Variants in GALNT13 observed in about 807,000 individuals in gnomAD.
GALNT13 encodes polypeptide N-acetylgalactosaminyltransferase 13.
Under a neutral mutation model 64.2 loss-of-function variants are expected in GALNT13, and 28 were observed. The observed-to-expected ratio is 0.44, with a 90% CI of 0.32 to 0.60. The LOEUF (loss-of-function observed/expected upper bound fraction) is 0.60, where lower values mean the gene tolerates loss of function less well. GALNT13 is among the 20% of genes least tolerant of loss of function. The pLI is 0.05. For synonymous variants in GALNT13, 214 were observed against 224.6 expected, an observed-to-expected ratio of 0.95 and a Z score of 0.42; for missense variants, 577 against 669.8, an observed-to-expected ratio of 0.86 and a Z score of 1.53.
At position 154,123,803 on chromosome 2, in the gene GALNT13, C is replaced by T. The variant is rs146375358; in HGVS notation, c.143-16534C>T. Among the ~76,000 whole-genome samples the T allele has an allele frequency of 3.7e-3, 557 of 151,802 alleles. 2 individuals carry two copies. Among genetic ancestry groups the T allele is most frequent in the African/African-American group, 0.013 (527 of 41,446 alleles). ...CTGTATAATTCTATGTGTACAAATG[C>T]GAGAAGAAAAAAATATAACTTATAG... On this transcript the variant is annotated intron_variant, in intron 3 of 12. Transcript: ENST00000392825.
At chr2:153,136,332 G>A in the GALNT13 span, among the ~76,000 whole-genome samples, 7 of 152,086 alleles carry the variant, frequency 4.6e-5, no homozygotes, top group Admixed American at 3.3e-4. Context: ...AATACCAACA[G>A]AGTATCCTCT....
the GALNT13 span, among the ~76,000 whole-genome samples, chr2:153,586,206 C>T: frequency 6.6e-6 from 1 of 152,104 alleles, no homozygotes; most frequent in Non-Finnish European, 1.5e-5. Context: ...CATCAATATT[C>T]ACCTTGAATA....
the GALNT13 span, among the ~76,000 whole-genome samples, chr2:153,393,272 T>A: frequency 6.6e-6 from 1 of 151,918 alleles, no homozygotes; most frequent in East Asian, 1.9e-4. Context: ...TCTCCATTTT[T>A]TTTTTTTGTC....
At chr2:154,255,567 A>T (rs996643468) in intron 7 of GALNT13, among the ~76,000 whole-genome samples, 1 of 152,184 alleles carries the variant, frequency 6.6e-6, no homozygotes, top group African/African-American at 2.4e-5. Context: ...ACAAGCATGA[A>T]TGCTAGACCA....
At chr2:153,268,299 A>T in the GALNT13 span, among the ~76,000 whole-genome samples, 1 of 152,364 alleles carries the variant, frequency 6.6e-6, no homozygotes, top group Non-Finnish European at 1.5e-5. Context: ...TACAGGCCTC[A>T]TGCATGTCAG....
At chr2:153,630,497 G>T in the GALNT13 span, among the ~76,000 whole-genome samples, 1 of 83,950 alleles carries the variant, frequency 1.2e-5, no homozygotes, top group African/African-American at 4.7e-5. Context: ...GGGGACTGTT[G>T]TGGGGTGGGG....
intron 4 of GALNT13, chr2:154,236,201 A>C (rs556901442): frequency 9.8e-7 from 1 of 1,021,298 alleles, no homozygotes; most frequent in Admixed American, 4.8e-5. Context: ...TACTTTTATA[A>C]GATATAAACA....
the GALNT13 span, among the ~76,000 whole-genome samples, chr2:153,737,111 C>T: frequency 6.6e-6 from 1 of 152,292 alleles, no homozygotes; most frequent in East Asian, 1.9e-4. Flanking sequence ...CATGCTGGGC[C>T]TTTCAAGCAT....
intron 7 of GALNT13, among the ~76,000 whole-genome samples, chr2:154,248,682 T>C (rs1211775235): frequency 6.6e-6 from 1 of 152,146 alleles, no homozygotes; most frequent in East Asian, 1.9e-4. Flanking sequence ...AAGATCTTGC[T>C]ACAATGGACC....
At chr2:154,003,281 T>G (rs1335813851) in intron 3 of GALNT13, among the ~76,000 whole-genome samples, 4 of 152,164 alleles carry the variant, frequency 2.6e-5, no homozygotes, top group Non-Finnish European at 4.4e-5. Flanking sequence ...CCCATGAAGA[T>G]TCCCAGACTG....
At chr2:153,752,653 C>T in the GALNT13 span, among the ~76,000 whole-genome samples, 1 of 152,038 alleles carries the variant, frequency 6.6e-6, no homozygotes, top group African/African-American at 2.4e-5. Context: ...TTTATTTTCT[C>T]TTTCTGCTTT....
chr2:153,376,318 T>G, the GALNT13 span, among the ~76,000 whole-genome samples: 1 of 152,152 alleles, frequency 6.6e-6, no homozygotes, highest in Non-Finnish European at 1.5e-5. Flanking sequence ...CAGTATCACA[T>G]GGCAATAGGC....
chr2:153,509,274 GCGT>G, the GALNT13 span, among the ~76,000 whole-genome samples: 2 of 152,206 alleles, frequency 1.3e-5, no homozygotes, highest in Non-Finnish European at 2.9e-5. Context: ...AGCTGCAGCT[GCGT>G]CAGGGAGCTG....
At chr2:154,307,783 C>A (rs147596865) in intron 9 of GALNT13, among the ~76,000 whole-genome samples, 380 of 152,232 alleles carry the variant, frequency 2.5e-3, no homozygotes, top group Admixed American at 3.7e-3. Flanking sequence ...ATCTGATTGT[C>A]CTAGCAAATC....
intron 9 of GALNT13, among the ~76,000 whole-genome samples, chr2:154,352,158 A>C: frequency 6.6e-6 from 1 of 152,210 alleles, no homozygotes; most frequent in East Asian, 1.9e-4. Flanking sequence ...TTAATAAATA[A>C]GTTGAAGTTA....
chr2:154,095,885 C>T (rs1186738868), intron 3 of GALNT13, among the ~76,000 whole-genome samples: 1 of 151,932 alleles, frequency 6.6e-6, no homozygotes, highest in African/African-American at 2.4e-5. Context: ...TCAAAGTGTG[C>T]TCATCAGCTC....
chr2:153,160,139 A>G, the GALNT13 span, among the ~76,000 whole-genome samples: 1 of 152,234 alleles, frequency 6.6e-6, no homozygotes, highest in Non-Finnish European at 1.5e-5. Flanking sequence ...TTATGAGTAA[A>G]ATACAGCTGA....
chr2:153,836,658 TC>T, the GALNT13 span, among the ~76,000 whole-genome samples: 1 of 109,144 alleles, frequency 9.2e-6, no homozygotes, highest in Non-Finnish European at 1.8e-5. Flanking sequence ...TCCCTCCCCC[TC>T]CCCCCTCCCC....
chr2:153,179,805 A>G, the GALNT13 span, among the ~76,000 whole-genome samples: 4 of 151,956 alleles, frequency 2.6e-5, no homozygotes, highest in Non-Finnish European at 5.9e-5. Context: ...TGTAAATGAG[A>G]CTGTTCTCTT....
Sources: allele counts gnomAD v4.1 joint callset (sites outside exome capture counted in the v4.1 genomes callset), GRCh38; gene constraint gnomAD v4.1.1; transcripts MANE v1.5; gene names NCBI Gene and HGNC (gene_info 2026-07-23, HGNC 2026-07-21).